TBC1D9B: variants seen among roughly 807,000 people sequenced by gnomAD.
TBC1D9B encodes the protein TBC1 domain family, member 9B (with GRAM domain).
TBC1D9B carries 87 observed loss-of-function variants against 121.1 expected under a neutral mutation model. That is an observed-to-expected ratio of 0.72 (90% CI 0.60 to 0.86). The LOEUF (loss-of-function observed/expected upper bound fraction) is 0.86. Among genes scored for constraint, TBC1D9B ranks in the 40% least tolerant of loss-of-function variants. The pLI is 0.00. For synonymous variants in TBC1D9B, 668 were observed against 670.1 expected (o/e 1.00, Z 0.05); for missense variants, 1,540 against 1,628.6 (o/e 0.95, Z 0.94).
chr5:179,907,835 G>A lies in TBC1D9B; in HGVS notation c.-14C>T, dbSNP rs1322828369. The A allele has an allele frequency of 3.6e-6, 4 of 1,122,992 alleles. No individual in the cohort carries two copies. Among genetic ancestry groups the A allele is most frequent in the East Asian group, 8.0e-5 (1 of 12,462 alleles). The allele number at this position is 1,122,992 out of a possible 1,614,324, so 69.6% of individuals were successfully genotyped here. ...GCTCAGCCACATCGCGGAGCCGCTC[G>A]CACCGGGCCGAGGCCCGCGAGACGG... On this transcript the variant is annotated 5_prime_UTR_variant, in exon 1 of 21. Transcript: ENST00000355235. The surrounding 1 kb of genome is among the most constrained non-coding windows in gnomAD (Gnocchi z 5.3).
chr5:179,867,123 C>G (rs914730583), intron 18 of TBC1D9B: 1 of 278,940 alleles, frequency 3.6e-6, no homozygotes, highest in African/African-American at 2.1e-5. Context: ...CTCAGCCACA[C>G]TGTGTCTTTC....
chr5:179,877,664 C>CAAAAAAAAAAAAAAAAA (rs564753950), intron 10 of TBC1D9B, among the ~76,000 whole-genome samples: 2 of 66,688 alleles, frequency 3.0e-5, no homozygotes, highest in African/African-American at 8.7e-5. Flanking sequence ...GATTCTATCT[C>CAAAAAAAAAAAAAAAAA]AAAAAAAAAA....
rs1759904688 is a variant in TBC1D9B at position 179,863,434 on chromosome 5, C to T, written c.*14G>A. 1 of 1,608,628 alleles carries T rather than the reference C, an allele frequency of 6.2e-7. No homozygotes were observed. The highest frequency in any genetic ancestry group is 2.2e-5 in the East Asian group (1 of 44,870). ...ACTGATGACACCTTGGGCCAGGCCT[C>T]ACAGCTGCAGGCATCAGCCGGAAAC... is the stretch of plus-strand genomic sequence containing the variant. On this transcript the variant is annotated 3_prime_UTR_variant, in exon 21 of 21. Transcript: ENST00000355235. This position sits in a 1 kb window ranked among gnomAD's most constrained non-coding sequence, Gnocchi z 4.5.
At chr5:179,906,118 A>T (rs948310669) in intron 1 of TBC1D9B, among the ~76,000 whole-genome samples, 1 of 152,222 alleles carries the variant, frequency 6.6e-6, no homozygotes, top group Non-Finnish European at 1.5e-5. Flanking sequence ...TTTAATGAAA[A>T]GTCTAGGTTG....
rs927292723 is a variant in TBC1D9B, at chr5:179,891,982, T to C, written c.837-396A>G. 2.0e-5 allele frequency among the ~76,000 whole-genome samples: 3 copies of C among 152,170 alleles called. No homozygotes were observed. Among genetic ancestry groups the C allele is most frequent in the South Asian group, 2.1e-4 (1 of 4,822 alleles). On this transcript the variant is annotated intron_variant, in intron 5 of 20. Transcript: ENST00000355235. The surrounding 1 kb of genome is among the most constrained non-coding windows in gnomAD (Gnocchi z 4.3). ...GCAGCTCTTCCACCCTGGGCAGGCC[T>C]AACCCCAGGTTTCACCTTGAAACCT...
Position 179,896,816 on chromosome 5 carries a change from G to A in TBC1D9B, c.349-2202C>T, listed in dbSNP as rs1253817719. Among the ~76,000 whole-genome samples, 4 of 152,140 alleles carry A rather than the reference G, an allele frequency of 2.6e-5. No homozygotes were observed. In the South Asian group the frequency reaches 8.3e-4, roughly 31 times the overall value. On this transcript the variant is annotated intron_variant, in intron 3 of 20. Coordinates refer to ENST00000355235, the MANE Select transcript of TBC1D9B (RefSeq NM_015043.4). Reference sequence around the variant, plus strand: ...TAGGATTACGGGTGTGAGACACCACGCCCAGCCCCATTTTGTCTAAATTCT... The same window carrying A: ...TAGGATTACGGGTGTGAGACACCACACCCAGCCCCATTTTGTCTAAATTCT...
At chr5:179,889,490 G>A (rs1348034472) in intron 6 of TBC1D9B, among the ~76,000 whole-genome samples, 1 of 152,112 alleles carries the variant, frequency 6.6e-6, no homozygotes, top group Non-Finnish European at 1.5e-5. Flanking sequence ...GGTGGGAGAA[G>A]ACTCTAGAGG....
chr5:179,901,028 T>C (rs1761151979), intron 2 of TBC1D9B, among the ~76,000 whole-genome samples: 1 of 152,160 alleles, frequency 6.6e-6, no homozygotes, highest in South Asian at 2.1e-4. Context: ...GCTGTTCTGC[T>C]TGGGACTGAT....
chr5:179,899,421 A>G, intron 2 of TBC1D9B, 114 bp from the exon 3 acceptor site: 1 of 803,976 alleles, frequency 1.2e-6, no homozygotes, highest in Non-Finnish European at 2.1e-6. Context: ...CTAAGTGACC[A>G]GAATCTTCAA....
chr5:179,881,946 G>GTTTTTTTTTTTTTTTTTTTTT lies in TBC1D9B; in HGVS notation c.1255-2158_1255-2157insAAAAAAAAAAAAAAAAAAAAA, dbSNP rs796278508. Among the ~76,000 whole-genome samples the GTTTTTTTTTTTTTTTTTTTTT allele has an allele frequency of 5.8e-4, 74 of 128,274 alleles. 7 individuals carry two copies. The highest frequency in any genetic ancestry group is 2.4e-3 in the African/African-American group (72 of 29,960). The allele number at this position is 128,274 out of a possible 152,430, so 84.2% of individuals were successfully genotyped here. On this transcript the variant is annotated intron_variant, in intron 7 of 20. Coordinates refer to ENST00000355235, the MANE Select transcript of TBC1D9B (RefSeq NM_015043.4). ...TTCCATATCTTTCCATATACCTTCC[G>GTTTTTTTTTTTTTTTTTTTTT]TTTTTTTTTTTTTTTTGAGATGGAG...
At chr5:179,906,321 C>T (rs1294658800) in intron 1 of TBC1D9B, among the ~76,000 whole-genome samples, 1 of 152,042 alleles carries the variant, frequency 6.6e-6, no homozygotes, top group African/African-American at 2.4e-5. Context: ...CTTGGGGGGA[C>T]CCTGGGAGCT....
rs1561637000 is a variant in TBC1D9B at position 179,875,208 on chromosome 5, GCTGATGGTGAGC to G, written c.1901-33_1901-22del. 1 of 1,607,808 alleles carries G rather than the reference GCTGATGGTGAGC, an allele frequency of 6.2e-7. No individual in the cohort carries two copies. The stretch of plus-strand genomic sequence containing the variant: ...GGCTCCTGCGGGCAGGATGAGCGAG[GCTGATGGTGAGC>G]CCACCCTGTGGCCTGGGTGGGCCCT... On this transcript the variant is annotated intron_variant, in intron 11 of 20. Transcript: ENST00000355235. This position sits in a 1 kb window ranked among gnomAD's most constrained non-coding sequence, Gnocchi z 4.5.
intron 3 of TBC1D9B, among the ~76,000 whole-genome samples, chr5:179,895,660 T>C (rs1488494110): frequency 6.6e-6 from 1 of 152,172 alleles, no homozygotes; most frequent in Non-Finnish European, 1.5e-5. Flanking sequence ...CAGCTCAAAA[T>C]GTACACATTG....
chr5:179,882,621 A>C (rs1295556872), intron 7 of TBC1D9B, among the ~76,000 whole-genome samples: 1 of 152,012 alleles, frequency 6.6e-6, no homozygotes, highest in Non-Finnish European at 1.5e-5. Flanking sequence ...AGGCAGGTGG[A>C]TCACCCTAGG....
At chr5:179,899,994 C>T (rs2113648144) in intron 2 of TBC1D9B, among the ~76,000 whole-genome samples, 1 of 152,232 alleles carries the variant, frequency 6.6e-6, no homozygotes, top group Admixed American at 6.5e-5. Context: ...CTTTGGGAGG[C>T]TGAGGCAGGA....
In TBC1D9B at chr5:179,885,255, A is replaced by G. The variant is rs1187078905; in HGVS notation, c.1254+2848T>C. Among the ~76,000 whole-genome samples the G allele has an allele frequency of 6.6e-6, 1 of 152,184 alleles. No homozygotes were observed. Among genetic ancestry groups the G allele is most frequent in the African/African-American group, 2.4e-5 (1 of 41,440 alleles). ...TTAACAATATATTTGACTTAATCCA[A>G]TATATCCAAAATACTCGCATTTCAA... On this transcript the variant is annotated intron_variant, in intron 7 of 20. Coordinates refer to ENST00000355235, the MANE Select transcript of TBC1D9B (RefSeq NM_015043.4). The surrounding 1 kb of genome is among the most constrained non-coding windows in gnomAD (Gnocchi z 4.5).
Position 179,907,297 on chromosome 5 carries a change from G to A in TBC1D9B, c.118+407C>T, listed in dbSNP as rs1010218197. On this transcript the variant is annotated intron_variant, in intron 1 of 20. Coordinates refer to ENST00000355235, the MANE Select transcript of TBC1D9B (RefSeq NM_015043.4). The surrounding 1 kb of genome is among the most constrained non-coding windows in gnomAD (Gnocchi z 5.3). The stretch of plus-strand genomic sequence containing the variant: ...AGAAAACGTGCGCTGGCGTCACCTG[G>A]CCCCTTAGAGGCACCTGGGGAAACT... Among the ~76,000 whole-genome samples the A allele has an allele frequency of 4.6e-5, 7 of 152,094 alleles. No individual in the cohort carries two copies. Among genetic ancestry groups the A allele is most frequent in the Non-Finnish European group, 8.8e-5 (6 of 68,010 alleles).
At position 179,870,451 on chromosome 5, in the gene TBC1D9B, C is replaced by A. The variant is rs1361376290; in HGVS notation, c.2529G>T (p.Met843Ile). 6.2e-7 allele frequency: 1 copy of A among 1,612,796 alleles called. No homozygotes were observed. The highest frequency in any genetic ancestry group is 1.1e-5 in the South Asian group (1 of 91,074). Residue 843 changes from methionine to isoleucine, a missense_variant, in exon 16 of 21, where the codon ATG becomes ATT. Physicochemically the swap from Met to Ile is conservative, Grantham distance 10 (BLOSUM62 1). Transcript: ENST00000355235. ...ASQYWGCSRT[M>I]AGRRDPSLPY... ...GCAGGCTGGGGTCCCGACGGCCGGC[C>A]ATTGTGCGGCTGCACCCCCAGTACT...
intron 3 of TBC1D9B, among the ~76,000 whole-genome samples, chr5:179,896,676 C>A (rs1443641890): frequency 6.6e-6 from 1 of 151,986 alleles, no homozygotes; most frequent in Non-Finnish European, 1.5e-5. Context: ...GTGCGCGACA[C>A]CATGCCCAGC....
Sources: gnomAD v4.1 joint callset for allele counts (sites outside exome capture counted in the v4.1 genomes callset) on GRCh38, gnomAD v4.1.1 for gene constraint, Gnocchi (gnomAD v3.1) non-coding constraint, MANE v1.5 for transcripts, NCBI Gene and HGNC (gene_info 2026-07-23, HGNC 2026-07-21) for gene names.